Variants in DLGAP4 observed in about 807,000 individuals in gnomAD.
DLGAP4 encodes the protein disks large-associated protein 4.
DLGAP4 carries 18 observed loss-of-function variants against 86.9 expected under a neutral mutation model. That is an observed-to-expected ratio of 0.21 (90% CI 0.14 to 0.31). The LOEUF is 0.31. Among genes scored for constraint, DLGAP4 ranks in the 10% least tolerant of loss-of-function variants. The pLI is 1.00. For missense variants in DLGAP4, 1,085 were observed against 1,362.6 expected (o/e 0.80, Z 3.21); for synonymous variants, 548 against 574.3 (o/e 0.95, Z 0.65).
At chr20:36,359,766 C>G (rs1419120648) in intron 1 of DLGAP4, among the ~76,000 whole-genome samples, 2 of 152,200 alleles carry the variant, frequency 1.3e-5, no homozygotes, top group African/African-American at 4.8e-5. Context: ...CCTATCAGAA[C>G]ATTGCCGGAG....
In DLGAP4 at chr20:36,527,627, C is replaced by T. The variant is rs1210174049; in HGVS notation, c.*596C>T. ...CCTCCCTCCCCCCGCCAAGTGCTCA[C>T]ACACAACCTCACGCGCACACACACA... On this transcript the variant is annotated 3_prime_UTR_variant, in exon 13 of 13. Coordinates refer to ENST00000339266, the MANE Select transcript of DLGAP4 (RefSeq NM_001365621.2). 6.5e-6 allele frequency: 1 copy of T among 152,844 alleles called. No individual in the cohort carries two copies. The highest frequency in any genetic ancestry group is 1.9e-4 in the East Asian group (1 of 5,140). The allele number at this position is 152,844 out of a possible 1,614,324, so 9.5% of individuals were successfully genotyped here. A position where few individuals can be genotyped will look rare whatever the true frequency, so the allele number is the denominator to read the frequency against.
At chr20:36,491,911 A>G (rs539136180) in intron 7 of DLGAP4, among the ~76,000 whole-genome samples, 19 of 152,362 alleles carry the variant, frequency 1.2e-4, no homozygotes, top group Middle Eastern at 3.4e-3. Flanking sequence ...TTGTCAGGAC[A>G]GAGTTCCCTC....
intron 10 of DLGAP4, among the ~76,000 whole-genome samples, chr20:36,506,351 C>T (rs1363663180): frequency 6.6e-6 from 1 of 152,216 alleles, no homozygotes; most frequent in African/African-American, 2.4e-5. Flanking sequence ...ATTGGTATTA[C>T]CTTCCTGTCT....
chr20:36,413,413 C>CTTTTTTT (rs71184094), intron 2 of DLGAP4, among the ~76,000 whole-genome samples: 27 of 71,024 alleles, frequency 3.8e-4, no homozygotes, highest in East Asian at 1.3e-3. Context: ...TTGTTCTGGA[C>CTTTTTTT]TTTTTTTTTT....
chr20:36,494,709 CTT>C (rs2035806736), intron 7 of DLGAP4, among the ~76,000 whole-genome samples: 1 of 152,196 alleles, frequency 6.6e-6, no homozygotes, highest in African/African-American at 2.4e-5. Flanking sequence ...AAGGGTCCCT[CTT>C]GTTACCTTTT....
At chr20:36,462,000 T>G in intron 7 of DLGAP4, 2 of 985,076 alleles carry the variant, frequency 2.0e-6, no homozygotes, top group Non-Finnish European at 2.4e-6. Context: ...CCAGATCTTT[T>G]GGGGTTCCCC....
At chr20:36,453,652 G>T (rs1418500605) in intron 7 of DLGAP4, among the ~76,000 whole-genome samples, 1 of 151,832 alleles carries the variant, frequency 6.6e-6, no homozygotes, top group East Asian at 1.9e-4. Context: ...GAAAAAAGAG[G>T]CTGGGCACGG....
chr20:36,515,516 C>T (rs1400096628), intron 10 of DLGAP4, among the ~76,000 whole-genome samples: 1 of 152,126 alleles, frequency 6.6e-6, no homozygotes, highest in Non-Finnish European at 1.5e-5. Context: ...TCCATTTTTA[C>T]GAGGTGACTT....
chr20:36,357,389 T>C (rs1372026186), intron 1 of DLGAP4, among the ~76,000 whole-genome samples: 1 of 152,312 alleles, frequency 6.6e-6, no homozygotes, highest in Middle Eastern at 3.4e-3. Flanking sequence ...TTGTTGTTTC[T>C]AAAATCACCC....
At chr20:36,379,133 A>T (rs918723578) in intron 2 of DLGAP4, among the ~76,000 whole-genome samples, 9 of 152,160 alleles carry the variant, frequency 5.9e-5, no homozygotes, top group African/African-American at 1.9e-4. Context: ...GTGGTCAGAG[A>T]GGCCCTCTTT....
intron 1 of DLGAP4, among the ~76,000 whole-genome samples, chr20:36,343,533 T>G (rs1170680079): frequency 6.6e-6 from 1 of 152,164 alleles, no homozygotes; most frequent in Non-Finnish European, 1.5e-5. Flanking sequence ...CCACCGCTTT[T>G]TAATGCCTCA....
At chr20:36,417,009 G>A (rs966554123) in intron 2 of DLGAP4, among the ~76,000 whole-genome samples, 17 of 152,256 alleles carry the variant, frequency 1.1e-4, no homozygotes, top group African/African-American at 4.1e-4. Context: ...AACAGGTGCG[G>A]TCCCTCCCCT....
chr20:36,378,670 A>T (rs1211862323), intron 2 of DLGAP4, among the ~76,000 whole-genome samples: 1 of 151,868 alleles, frequency 6.6e-6, no homozygotes, highest in East Asian at 1.9e-4. Context: ...CATGCATCCC[A>T]TCTGAGTCTG....
intron 1 of DLGAP4, among the ~76,000 whole-genome samples, chr20:36,365,061 C>T (rs1365508184): frequency 6.6e-6 from 1 of 152,166 alleles, no homozygotes; most frequent in Non-Finnish European, 1.5e-5. Context: ...CACCACTGCA[C>T]TCTAGTCTGG....
At chr20:36,446,553 C>A (rs1191185116) in intron 6 of DLGAP4, 144 bp from the exon 7 acceptor site, 25 of 722,124 alleles carry the variant, frequency 3.5e-5, no homozygotes, top group Non-Finnish European at 5.2e-5. Flanking sequence ...CTCCCCATCC[C>A]ATACGCTGAG....
chr20:36,500,238 C>T lies in DLGAP4; in HGVS notation c.2139C>T (p.Asp713=), dbSNP rs754377041. 3 of 1,600,850 alleles carry T rather than the reference C, an allele frequency of 1.9e-6. No homozygotes were observed. In the African/African-American group the frequency reaches 4.0e-5, roughly 22 times the overall value. The change falls in exon 10 of 13, where the codon GAC becomes GAT. Residue 713 remains aspartate (D), a synonymous_variant. Transcript: ENST00000339266. The surrounding 1 kb of genome is among the most constrained non-coding windows in gnomAD (Gnocchi z 4.6). ...VPSHSMSSRR[D]TDSDTQDAND... ...CTCACAGTATGTCCTCCCGACGGGA[C>T]ACAGACTCGGATACCCAGGATGCCA...
rs1205526538 is a variant in DLGAP4 at position 36,500,369 on chromosome 20, A to C, written c.2270A>C (p.Gln757Pro). ...CCCCGGCAGGCCCCCAAGATTGCCC[A>C]GATCAAGCGCAACCTCTCCTATGGA... ...AGPRQAPKIA[Q>P]IKRNLSYGDN... Residue 757 changes from glutamine (Q) to proline (P), a missense_variant, in exon 10 of 13, where the codon CAG (glutamine) becomes CCG (proline). By Grantham distance (76) the Gln-to-Pro change is moderately conservative. Coordinates refer to ENST00000339266, the MANE Select transcript of DLGAP4 (RefSeq NM_001365621.2). The surrounding 1 kb of genome is among the most constrained non-coding windows in gnomAD (Gnocchi z 4.6). 2 of 1,611,188 alleles carry C rather than the reference A, an allele frequency of 1.2e-6. No individual in the cohort carries two copies. Among genetic ancestry groups the C allele is most frequent in the Non-Finnish European group, 1.7e-6 (2 of 1,178,556 alleles).
intron 7 of DLGAP4, among the ~76,000 whole-genome samples, chr20:36,456,474 G>A (rs920308295): frequency 2.6e-5 from 4 of 152,236 alleles, no homozygotes; most frequent in African/African-American, 9.6e-5. Flanking sequence ...GTAAGTGACA[G>A]TGAGGTCAGG....
At chr20:36,508,037 A>T (rs1394751408) in intron 10 of DLGAP4, 1 of 152,252 alleles carries the variant, frequency 6.6e-6, no homozygotes, top group Non-Finnish European at 1.5e-5. Flanking sequence ...CTGAGGCTGC[A>T]TCCTTTTCTG....
Sources: allele counts gnomAD v4.1 joint callset (sites outside exome capture counted in the v4.1 genomes callset), GRCh38; gene constraint gnomAD v4.1.1; non-coding constraint Gnocchi (gnomAD v3.1); transcripts MANE v1.5; gene names NCBI Gene and HGNC (gene_info 2026-07-23, HGNC 2026-07-21).